CENPC: variants seen among roughly 807,000 people sequenced by gnomAD.
CENPC encodes the protein centromere protein C.
In CENPC, 63 loss-of-function variants were observed where a neutral mutation model predicts 112.1. That is an observed-to-expected ratio of 0.56 (90% CI 0.46 to 0.69). The LOEUF is 0.69. Among genes scored for constraint, CENPC ranks in the 30% least tolerant of loss-of-function variants. The pLI, the probability that CENPC is intolerant of heterozygous loss-of-function variation, is 0.00. For synonymous variants in CENPC, 333 were observed against 367.6 expected, an observed-to-expected ratio of 0.91 and a Z score of 1.08; for missense variants, 1,000 against 1,103.8, an observed-to-expected ratio of 0.91 and a Z score of 1.33.
intron 12 of CENPC, 21 bp downstream of exon 12, chr4:67,505,184 A>G (rs1725699536): frequency 6.6e-7 from 1 of 1,511,114 alleles, no homozygotes; most frequent in Non-Finnish European, 9.0e-7. Flanking sequence ...AAATCAAGAC[A>G]GAAAAAAAAC....
intron 17 of CENPC, among the ~76,000 whole-genome samples, chr4:67,484,642 A>C (rs1577973532): frequency 6.6e-6 from 1 of 152,202 alleles, no homozygotes; most frequent in East Asian, 1.9e-4. Context: ...TGGAAGAAAA[A>C]TTGTCTTTCA....
rs768328523 is a variant in CENPC, at chr4:67,541,035, G to C, written c.81C>G (p.Asn27Lys). The change falls in exon 3 of 19, where the codon AAC becomes AAG. Residue 27 changes from asparagine (N) to lysine (K), a missense_variant. Asn to Lys is a moderately conservative substitution (Grantham distance 94). Coordinates refer to ENST00000273853, the MANE Select transcript of CENPC (RefSeq NM_001812.4). ...CCAGAACATTCTGGCCTTGCTCTGT[G>C]TTAATGTCACGTGCCCTAATAAAGG... is the stretch of plus-strand genomic sequence containing the variant. Reference protein sequence around the residue: ...FCRPSRARDINTEQGQNVLEI... With the variant: ...FCRPSRARDIKTEQGQNVLEI... 6.2e-7 allele frequency: 1 copy of C among 1,608,260 alleles called. No homozygotes were observed. Among genetic ancestry groups the C allele is most frequent in the Non-Finnish European group, 8.5e-7 (1 of 1,177,194 alleles).
chr4:67,470,572 CA>C lies in CENPC; in HGVS notation c.*2032del, dbSNP rs140631298. The C allele has an allele frequency of 0.29, 27,093 of 92,006 alleles. 3,621 individuals carry two copies. The highest frequency in any genetic ancestry group is 0.35 in the Non-Finnish European group (16,800 of 48,664). The allele number at this position is 92,006 out of a possible 1,614,324, so 5.7% of individuals were successfully genotyped here. A position where few individuals can be genotyped will look rare whatever the true frequency, so the allele number is the denominator to read the frequency against. On this transcript the variant is annotated 3_prime_UTR_variant, in exon 19 of 19. Coordinates refer to ENST00000273853, the MANE Select transcript of CENPC (RefSeq NM_001812.4). ...AGGCAACAAGAGTGAAACTCTGCCT[CA>C]AAAAAAAAAAAAAAGAAAAGAAAAG...
intron 7 of CENPC, among the ~76,000 whole-genome samples, chr4:67,517,319 G>C (rs895677026): frequency 5.9e-5 from 9 of 151,520 alleles, no homozygotes. Context: ...GTGCCACCAA[G>C]CCCGACTAAT....
Position 67,474,991 on chromosome 4 carries a change from A to G in CENPC, c.2671-13T>C, listed in dbSNP as rs1488676335. ...TAACATAAAAAACCTGTAAAAATAA[A>G]AATAAAAATCTCATTCAAAACTGAA... On this transcript the variant is annotated splice_polypyrimidine_tract_variant and intron_variant, in intron 17 of 18. Coordinates refer to ENST00000273853, the MANE Select transcript of CENPC (RefSeq NM_001812.4). 1.4e-6 allele frequency: 2 copies of G among 1,408,768 alleles called. No individual in the cohort carries two copies. The highest frequency in any genetic ancestry group is 1.9e-6 in the Non-Finnish European group (2 of 1,033,248). 87.3% of individuals were successfully genotyped at this position (1,408,768 alleles called of 1,614,324 possible). A position where few individuals can be genotyped will look rare whatever the true frequency, so the allele number is the denominator to read the frequency against.
At chr4:67,486,413 T>C (rs945074051) in intron 17 of CENPC, among the ~76,000 whole-genome samples, 5 of 152,198 alleles carry the variant, frequency 3.3e-5, no homozygotes, top group African/African-American at 1.2e-4. Flanking sequence ...ATACCAAATA[T>C]CTAGTTAATA....
chr4:67,529,531 G>A (rs1467536760), intron 5 of CENPC, among the ~76,000 whole-genome samples: 2 of 151,974 alleles, frequency 1.3e-5, no homozygotes, highest in Non-Finnish European at 2.9e-5. Context: ...TTACCATGTT[G>A]GCCATGCTGG....
intron 17 of CENPC, among the ~76,000 whole-genome samples, chr4:67,480,544 A>T (rs978597442): frequency 3.3e-5 from 5 of 152,246 alleles, no homozygotes; most frequent in Admixed American, 6.5e-5. Context: ...AAAAAAGTCC[A>T]GGACCAGATG....
chr4:67,519,852 T>C (rs1326512898), intron 5 of CENPC, among the ~76,000 whole-genome samples: 1 of 152,116 alleles, frequency 6.6e-6, no homozygotes, highest in African/African-American at 2.4e-5. Flanking sequence ...TTTAAAAGAA[T>C]GTATCCATAT....
Position 67,514,506 on chromosome 4 carries a change from T to G in CENPC, c.1012A>C (p.Thr338Pro), listed in dbSNP as rs1725997224. The G allele has an allele frequency of 3.1e-6, 5 of 1,613,476 alleles. No homozygotes were observed. Among genetic ancestry groups the G allele is most frequent in the Non-Finnish European group, 4.2e-6 (5 of 1,179,740 alleles). Residue 338 changes from threonine (T) to proline (P), a missense_variant, in exon 8 of 19, where the codon ACT becomes CCT. Physicochemically the swap from Thr to Pro is conservative, Grantham distance 38. Transcript: ENST00000273853. ...GACTTTCTACCTTGAAGGAGTGCAG[T>G]GCTCTCAGCCGGGGATATTGTGCGT... ...KQRTISPAES[T>P]ALLQGRKSRE...
intron 5 of CENPC, among the ~76,000 whole-genome samples, chr4:67,529,740 A>C (rs2109824098): frequency 6.6e-6 from 1 of 152,354 alleles, no homozygotes; most frequent in East Asian, 1.9e-4. Flanking sequence ...AATTCTAGTT[A>C]GAATTCCAAA....
intron 16 of CENPC, among the ~76,000 whole-genome samples, chr4:67,491,511 A>AGAGAGAGGGAGG (rs1553893238): frequency 8.7e-6 from 1 of 114,584 alleles, no homozygotes; most frequent in East Asian, 5.6e-4. Context: ...AGAGAGAGAG[A>AGAGAGAGGGAGG]GAGAGAGAGA....
Position 67,530,805 on chromosome 4 carries a change from T to G in CENPC, c.331+10A>C. On this transcript the variant is annotated intron_variant, in intron 5 of 18. Coordinates refer to ENST00000273853, the MANE Select transcript of CENPC (RefSeq NM_001812.4). ...TCCAAGCAAATAATGCCCATGGAGA[T>G]GGCACCAACCTGATCTGTTTGTGGC... The G allele has an allele frequency of 6.9e-7, 1 of 1,445,834 alleles. No individual in the cohort carries two copies. The highest frequency in any genetic ancestry group is 1.3e-5 in the South Asian group (1 of 79,848). 89.6% of individuals were successfully genotyped at this position (1,445,834 alleles called of 1,614,324 possible).
At chr4:67,505,147 C>G in intron 12 of CENPC, 58 bp downstream of exon 12, 2 of 1,213,722 alleles carry the variant, frequency 1.6e-6, no homozygotes, top group Non-Finnish European at 2.4e-6. Flanking sequence ...ACATAGCACT[C>G]CTTACTCCAT....
In CENPC at chr4:67,516,558, T is replaced by C. The variant is rs184758786; in HGVS notation, c.830+1598A>G. Among the ~76,000 whole-genome samples the C allele has an allele frequency of 1.3e-3, 201 of 152,106 alleles. 4 individuals carry two copies. Among genetic ancestry groups the C allele is most frequent in the African/African-American group, 4.7e-3 (196 of 41,372 alleles). Reference sequence around the variant, plus strand: ...AATCGCAAACTCCTGACAAATCTTATAATGTAAAATAGCAAATACTCTAAA... The same window carrying C: ...AATCGCAAACTCCTGACAAATCTTACAATGTAAAATAGCAAATACTCTAAA... On this transcript the variant is annotated intron_variant, in intron 7 of 18. Transcript: ENST00000273853.
At chr4:67,543,602 G>A (rs940783450) in intron 2 of CENPC, among the ~76,000 whole-genome samples, 1 of 152,040 alleles carries the variant, frequency 6.6e-6, no homozygotes, top group Non-Finnish European at 1.5e-5. Context: ...GTAAACAAAA[G>A]AACATACTTC....
intron 3 of CENPC, 37 bp downstream of exon 3, chr4:67,540,943 T>C: frequency 7.2e-7 from 1 of 1,384,286 alleles, no homozygotes; most frequent in Non-Finnish European, 1.0e-6. Context: ...TTTTCATCCA[T>C]CTAACCCTTA....
Position 67,514,073 on chromosome 4 carries a change from C to A in CENPC, c.1444+1G>T, listed in dbSNP as rs749883143. On this transcript the variant is annotated splice_donor_variant, in intron 8 of 18. Transcript: ENST00000273853. LOFTEE classifies it high-confidence loss of function. The stretch of plus-strand genomic sequence containing the variant: ...TGGTTATATTTAATATAAACACTTA[C>A]CCACAGGTGGCATCTGTTTTTTGGA... The A allele has an allele frequency of 1.3e-6, 2 of 1,583,408 alleles. No individual in the cohort carries two copies. Among genetic ancestry groups the A allele is most frequent in the Non-Finnish European group, 8.6e-7 (1 of 1,169,434 alleles).
intron 12 of CENPC, 45 bp downstream of exon 12, chr4:67,505,160 T>A: frequency 7.4e-7 from 1 of 1,350,662 alleles, no homozygotes; most frequent in South Asian, 1.3e-5. Context: ...TACTCCATAT[T>A]CATAATGCCA....
Sources: gnomAD v4.1 joint callset for allele counts (sites outside exome capture counted in the v4.1 genomes callset) on GRCh38, gnomAD v4.1.1 for gene constraint, MANE v1.5 for transcripts, NCBI Gene and HGNC (gene_info 2026-07-23, HGNC 2026-07-21) for gene names.